The following ARAP2 variants were observed in gnomAD, a reference collection of about 807,000 sequenced individuals.
ARAP2 encodes arf-GAP with Rho-GAP domain, ANK repeat and PH domain-containing protein 2.
In ARAP2, 148 loss-of-function variants were observed where a neutral mutation model predicts 194.5. The ratio of observed to expected loss-of-function variants is 0.76; its 90% CI spans 0.67 to 0.87. The LOEUF is 0.87. Among genes scored for constraint, ARAP2 ranks in the 40% least tolerant of loss-of-function variants. ARAP2 has a pLI of 0.00. For missense variants in ARAP2, 2,128 were observed against 1,989.7 expected, an observed-to-expected ratio of 1.07 and a Z score of -1.32; for synonymous variants, 695 against 683.5, an observed-to-expected ratio of 1.02 and a Z score of -0.26.
At chr4:36,009,259 T>G (rs1254261758) in intron 9 of ARAP2, among the ~76,000 whole-genome samples, 1 of 152,128 alleles carries the variant, frequency 6.6e-6, no homozygotes, top group African/African-American at 2.4e-5. Context: ...ACAGCATTAT[T>G]CACAATAACA....
intron 6 of ARAP2, among the ~76,000 whole-genome samples, chr4:36,200,038 T>C (rs576353602): frequency 0.014 from 2,071 of 152,148 alleles, 42 homozygotes; most frequent in African/African-American, 0.047. Context: ...ATGCATTTGA[T>C]ACTCTCCTAT....
chr4:36,137,888 A>G (rs1187644532), intron 19 of ARAP2, among the ~76,000 whole-genome samples: 1 of 151,716 alleles, frequency 6.6e-6, no homozygotes. Flanking sequence ...ATCACACCTA[A>G]GATTCATGAA....
At chr4:36,054,910 T>C (rs1723247757) in intron 2 of ARAP2, among the ~76,000 whole-genome samples, 2 of 152,212 alleles carry the variant, frequency 1.3e-5, no homozygotes, top group Non-Finnish European at 1.5e-5. Context: ...TTTATAATGA[T>C]TGGTGATGGA....
At chr4:36,031,777 TC>T (rs1465346107) in intron 5 of ARAP2, among the ~76,000 whole-genome samples, 3 of 151,974 alleles carry the variant, frequency 2.0e-5, no homozygotes, top group African/African-American at 7.3e-5. Context: ...CAAGTGATTC[TC>T]CTGCCTCAGC....
chr4:36,111,319 T>C (rs1301461231), intron 26 of ARAP2, among the ~76,000 whole-genome samples: 1 of 151,930 alleles, frequency 6.6e-6, no homozygotes, highest in Non-Finnish European at 1.5e-5. Flanking sequence ...TTACTAGATA[T>C]AAAGCCTTCA....
chr4:36,145,759 T>A (rs1729486684), intron 19 of ARAP2, among the ~76,000 whole-genome samples: 1 of 151,942 alleles, frequency 6.6e-6, no homozygotes, highest in Non-Finnish European at 1.5e-5. Context: ...CTTCTTTGTG[T>A]GATCATTCTC....
intron 19 of ARAP2, among the ~76,000 whole-genome samples, chr4:36,133,723 G>T (rs755728987): frequency 1.3e-5 from 2 of 151,580 alleles, no homozygotes; most frequent in African/African-American, 2.4e-5. Flanking sequence ...TAGAATTGTC[G>T]ATTTTATTTC....
intron 6 of ARAP2, among the ~76,000 whole-genome samples, chr4:36,194,424 C>T (rs1050471443): frequency 6.6e-6 from 1 of 152,084 alleles, no homozygotes; most frequent in African/African-American, 2.4e-5. Flanking sequence ...GTCTTTAACA[C>T]AGAAAATATA....
intron 2 of ARAP2, among the ~76,000 whole-genome samples, chr4:36,218,595 T>G (rs1338252383): frequency 1.3e-5 from 2 of 151,828 alleles, no homozygotes; most frequent in African/African-American, 4.9e-5. Context: ...AGAAACCAAT[T>G]CAAGACAGAT....
At chr4:36,121,999 G>T (rs543823276) in intron 22 of ARAP2, among the ~76,000 whole-genome samples, 1 of 151,630 alleles carries the variant, frequency 6.6e-6, no homozygotes, top group East Asian at 2.0e-4. Context: ...GGTCTTAAAA[G>T]AGTTGTTAAA....
At chr4:36,011,743 G>T (rs1051285761) in intron 9 of ARAP2, among the ~76,000 whole-genome samples, 1 of 151,880 alleles carries the variant, frequency 6.6e-6, no homozygotes, top group African/African-American at 2.4e-5. Context: ...ATAATTACAT[G>T]CCCCTTTTGA....
chr4:36,151,675 T>C (rs1008210273), intron 15 of ARAP2, among the ~76,000 whole-genome samples: 1 of 152,208 alleles, frequency 6.6e-6, no homozygotes, highest in African/African-American at 2.4e-5. Flanking sequence ...TATAAAAGCC[T>C]TTCTTTTTAA....
chr4:36,071,898 T>C (rs1230210866), intron 32 of ARAP2, among the ~76,000 whole-genome samples: 1 of 151,126 alleles, frequency 6.6e-6, no homozygotes, highest in Non-Finnish European at 1.5e-5. Flanking sequence ...CCCCTTCCTG[T>C]GTCCATGTGA....
intron 2 of ARAP2, among the ~76,000 whole-genome samples, chr4:36,219,623 T>C (rs917626533): frequency 6.6e-6 from 1 of 152,188 alleles, no homozygotes; most frequent in African/African-American, 2.4e-5. Flanking sequence ...GGAAAATTAG[T>C]CTATTTTATA....
rs1725835828 is a variant in ARAP2 at position 36,067,851 on chromosome 4, A to G, written c.*56T>C. On this transcript the variant is annotated 3_prime_UTR_variant, in exon 33 of 33. Coordinates refer to ENST00000303965, the MANE Select transcript of ARAP2 (RefSeq NM_015230.4). Reference sequence around the variant, plus strand: ...TTATAGTTCAGTTTTGGAGTTACACATAAAGATTGCATACAATATTAAAAA... The same window carrying G: ...TTATAGTTCAGTTTTGGAGTTACACGTAAAGATTGCATACAATATTAAAAA... 1.3e-6 allele frequency: 2 copies of G among 1,505,078 alleles called. No homozygotes were observed. Among genetic ancestry groups the G allele is most frequent in the East Asian group, 4.6e-5 (2 of 43,676 alleles). 93.2% of individuals were successfully genotyped at this position (1,505,078 alleles called of 1,614,324 possible).
chr4:36,158,176 C>A (rs1733023396), intron 15 of ARAP2, among the ~76,000 whole-genome samples: 1 of 152,036 alleles, frequency 6.6e-6, no homozygotes, highest in African/African-American at 2.4e-5. Context: ...TGAATAAATG[C>A]CCCATTGTAA....
chr4:36,082,049 T>C (rs1479701608), intron 30 of ARAP2, among the ~76,000 whole-genome samples: 1 of 152,136 alleles, frequency 6.6e-6, no homozygotes, highest in Non-Finnish European at 1.5e-5. Context: ...TTCAGAGGCA[T>C]TGCCAAATAG....
chr4:36,225,241 C>T lies in ARAP2; in HGVS notation c.905+3341G>A, dbSNP rs565529705. Among the ~76,000 whole-genome samples, 5 of 152,224 alleles carry T rather than the reference C, an allele frequency of 3.3e-5. No individual in the cohort carries two copies. The East Asian group carries it at 9.7e-4, about 29-fold the overall frequency. ...CCCCAAAACATTCAGAGGCACTACA[C>T]CTTAAAAAGAAGGCTTTGAGACCTA... On this transcript the variant is annotated intron_variant, in intron 2 of 32. Transcript: ENST00000303965.
chr4:36,025,694 AC>A (rs1459471590), intron 5 of ARAP2, among the ~76,000 whole-genome samples: 2 of 151,988 alleles, frequency 1.3e-5, no homozygotes, highest in Non-Finnish European at 2.9e-5. Context: ...AAAAAAAAAA[AC>A]CTTGAAATGC....
Sources: allele counts gnomAD v4.1 joint callset (sites outside exome capture counted in the v4.1 genomes callset), GRCh38; gene constraint gnomAD v4.1.1; transcripts MANE v1.5; gene names NCBI Gene and HGNC (gene_info 2026-07-23, HGNC 2026-07-21).